METTL8: variants seen among roughly 807,000 people sequenced by gnomAD.
METTL8 encodes tRNA N(3)-cytidine methyltransferase METTL8, mitochondrial.
METTL8 carries 32 observed loss-of-function variants against 48.7 expected under a neutral mutation model. The ratio of observed to expected loss-of-function variants is 0.66; its 90% CI spans 0.50 to 0.88. The LOEUF (loss-of-function observed/expected upper bound fraction) is 0.88, where lower values mean the gene tolerates loss of function less well. Ranked by LOEUF, METTL8 falls within the 40% of genes least tolerant of loss-of-function variation. The pLI is 0.00. For synonymous variants in METTL8, 136 were observed against 157.1 expected (o/e 0.87, Z 1.01); for missense variants, 464 against 474.4 (o/e 0.98, Z 0.20).
intron 2 of METTL8, among the ~76,000 whole-genome samples, chr2:171,386,172 T>A (rs1417366531): frequency 6.6e-6 from 1 of 152,048 alleles, no homozygotes; most frequent in Admixed American, 6.5e-5. Context: ...TGGTAGCAGA[T>A]GGAAAAAGAG....
chr2:171,341,084 C>G (rs558638646), intron 3 of METTL8, among the ~76,000 whole-genome samples: 2 of 152,198 alleles, frequency 1.3e-5, no homozygotes, highest in Admixed American at 6.5e-5. Context: ...AATCCCAGCA[C>G]TTTGGGAGGC....
At chr2:171,353,744 G>C (rs1352922609) in intron 3 of METTL8, among the ~76,000 whole-genome samples, 1 of 152,034 alleles carries the variant, frequency 6.6e-6, no homozygotes, top group Non-Finnish European at 1.5e-5. Context: ...GATCTTTGTT[G>C]GTTTAAAGTC....
At chr2:171,332,650 T>C (rs984789172) in intron 5 of METTL8, 8 of 152,260 alleles carry the variant, frequency 5.3e-5, no homozygotes, top group Admixed American at 5.2e-4. Context: ...CTTAGTACCA[T>C]GTCTGAACTA....
At chr2:171,325,999 T>C (rs1248085194) in intron 8 of METTL8, 43 bp downstream of exon 8, 3 of 1,370,542 alleles carry the variant, frequency 2.2e-6, no homozygotes, top group Admixed American at 2.1e-5. Flanking sequence ...CAAGGCATTC[T>C]TTAGAACATT....
chr2:171,405,221 G>GT (rs1244080712), intron 1 of METTL8, among the ~76,000 whole-genome samples: 7 of 152,116 alleles, frequency 4.6e-5, no homozygotes, highest in Non-Finnish European at 1.0e-4. Flanking sequence ...CATGTGAGTG[G>GT]TAGGTGCTAG....
At chr2:171,350,817 T>A (rs1402697497) in intron 3 of METTL8, among the ~76,000 whole-genome samples, 1 of 152,204 alleles carries the variant, frequency 6.6e-6, no homozygotes. Context: ...GTTGTTTGAT[T>A]TTTTCTTGTA....
In METTL8 at chr2:171,352,596, C is replaced by T. The variant is rs1282975747; in HGVS notation, c.235+7826G>A. Reference sequence around the variant, plus strand: ...GAATTCGGCTGTGAATCCATCTGGTCCTGGACTTTTTTTGGTTGGTAGGCT... The same window carrying T: ...GAATTCGGCTGTGAATCCATCTGGTTCTGGACTTTTTTTGGTTGGTAGGCT... On this transcript the variant is annotated intron_variant, in intron 3 of 9. Coordinates refer to ENST00000375258, the MANE Select transcript of METTL8 (RefSeq NM_001321154.2). 2.6e-5 allele frequency among the ~76,000 whole-genome samples: 4 copies of T among 152,240 alleles called. No homozygotes were observed. The South Asian group carries it at 8.3e-4, about 32-fold the overall frequency.
intron 7 of METTL8, among the ~76,000 whole-genome samples, chr2:171,328,651 C>T (rs973014838): frequency 6.6e-6 from 1 of 152,028 alleles, no homozygotes; most frequent in Non-Finnish European, 1.5e-5. Context: ...GCTGGGATTA[C>T]AGGCATGCAG....
chr2:171,320,061 C>G lies in METTL8; in HGVS notation c.*4111G>C, dbSNP rs1684452153. The stretch of plus-strand genomic sequence containing the variant: ...GTTATCAAATATTTTAAACTAATAC[C>G]CAAGCAGTTACATTTGCAACGCTTC... On this transcript the variant is annotated 3_prime_UTR_variant, in exon 10 of 10. Coordinates refer to ENST00000375258, the MANE Select transcript of METTL8 (RefSeq NM_001321154.2). 6.6e-6 allele frequency: 1 copy of G among 151,844 alleles called. No homozygotes were observed. The highest frequency in any genetic ancestry group is 2.4e-5 in the African/African-American group (1 of 41,346). 9.4% of individuals were successfully genotyped at this position (151,844 alleles called of 1,614,324 possible). A position where few individuals can be genotyped will look rare whatever the true frequency, so the allele number is the denominator to read the frequency against.
chr2:171,387,443 T>C (rs1395587412), intron 2 of METTL8, among the ~76,000 whole-genome samples: 1 of 151,886 alleles, frequency 6.6e-6, no homozygotes, highest in Non-Finnish European at 1.5e-5. Flanking sequence ...GGCAGGAGAA[T>C]TGCTTGAACC....
rs1001996929 is a variant in METTL8 at position 171,343,295 on chromosome 2, C to T, written c.236-3741G>A. 5.1e-4 allele frequency among the ~76,000 whole-genome samples: 78 copies of T among 152,034 alleles called. 1 individual carries two copies. The highest frequency in any genetic ancestry group is 4.5e-3 in the Admixed American group (68 of 15,254). ...TCTCTACTAAAACTACAAAATTAGCCGGGTGTGGTGGTACATGCCTGTAAT... is the reference window on the plus strand; with the variant it reads ...TCTCTACTAAAACTACAAAATTAGCTGGGTGTGGTGGTACATGCCTGTAAT... On this transcript the variant is annotated intron_variant, in intron 3 of 9. Coordinates refer to ENST00000375258, the MANE Select transcript of METTL8 (RefSeq NM_001321154.2).
chr2:171,355,769 G>C (rs1026826040), intron 3 of METTL8, among the ~76,000 whole-genome samples: 1 of 152,148 alleles, frequency 6.6e-6, no homozygotes, highest in East Asian at 1.9e-4. Context: ...CTCCAAGCCA[G>C]GCATTTGATA....
rs573935551 is a variant in METTL8, at chr2:171,407,412, GT to G, written c.-12-15216del. Among the ~76,000 whole-genome samples the G allele has an allele frequency of 3.4e-3, 508 of 149,866 alleles. 4 individuals carry two copies. The highest frequency in any genetic ancestry group is 0.011 in the African/African-American group (432 of 40,928). On this transcript the variant is annotated intron_variant, in intron 1 of 9. Coordinates refer to ENST00000375258, the MANE Select transcript of METTL8 (RefSeq NM_001321154.2). ...ACTGGTTAGGAATGAGGCCTTCTAAGTTTTTTTTTTAACCCATCTCACCTAG... is the reference window on the plus strand; with the variant it reads ...ACTGGTTAGGAATGAGGCCTTCTAAGTTTTTTTTTAACCCATCTCACCTAG...
intron 1 of METTL8, among the ~76,000 whole-genome samples, chr2:171,397,704 A>G (rs1689249686): frequency 6.6e-6 from 1 of 152,164 alleles, no homozygotes; most frequent in Non-Finnish European, 1.5e-5. Flanking sequence ...TGTGTTTCAC[A>G]AAACACAAAC....
chr2:171,356,142 C>T (rs12465868), intron 3 of METTL8, among the ~76,000 whole-genome samples: 43,387 of 151,922 alleles, frequency 0.29, 7,377 homozygotes, highest in East Asian at 0.65. Context: ...ATGCTAGAAA[C>T]ATTTATTCTC....
At chr2:171,410,196 C>T (rs1367436070) in intron 1 of METTL8, among the ~76,000 whole-genome samples, 1 of 152,160 alleles carries the variant, frequency 6.6e-6, no homozygotes, top group Non-Finnish European at 1.5e-5. Flanking sequence ...TTGTTAAGAG[C>T]TCAGAACCAC....
At chr2:171,427,609 T>C (rs1424132227) in intron 1 of METTL8, among the ~76,000 whole-genome samples, 1 of 152,184 alleles carries the variant, frequency 6.6e-6, no homozygotes, top group Admixed American at 6.5e-5. Context: ...TCTGGACTGT[T>C]GCAGATCAGC....
intron 3 of METTL8, among the ~76,000 whole-genome samples, chr2:171,351,068 G>A (rs1683860496): frequency 6.6e-6 from 1 of 152,118 alleles, no homozygotes; most frequent in Non-Finnish European, 1.5e-5. Context: ...TATTGCCTAG[G>A]TTTTCTTCTA....
chr2:171,421,355 C>A (rs954803969), intron 1 of METTL8, among the ~76,000 whole-genome samples: 1 of 152,260 alleles, frequency 6.6e-6, no homozygotes, highest in Admixed American at 6.5e-5. Context: ...AGGAGGATGA[C>A]TTGAGCCTAG....
Sources: gnomAD v4.1 joint callset for allele counts (sites outside exome capture counted in the v4.1 genomes callset) on GRCh38, gnomAD v4.1.1 for gene constraint, MANE v1.5 for transcripts, NCBI Gene and HGNC (gene_info 2026-07-23, HGNC 2026-07-21) for gene names.